Variants in NAV2 observed in about 807,000 individuals in gnomAD.
NAV2 encodes neuron navigator 2.
In NAV2, 54 loss-of-function variants were observed where a neutral mutation model predicts 223.2. That is an observed-to-expected ratio of 0.24 (90% CI 0.19 to 0.30). The LOEUF is 0.30. Among genes scored for constraint, NAV2 ranks in the 10% least tolerant of loss-of-function variants. NAV2 has a pLI of 1.00. For synonymous variants in NAV2, 1,279 were observed against 1,239.3 expected (o/e 1.03, Z -0.67); for missense variants, 2,806 against 3,147.5 (o/e 0.89, Z 2.60).
chr11:19,946,548 A>G lies in NAV2; in HGVS notation c.2255+39A>G, dbSNP rs1284210742. On this transcript the variant is annotated intron_variant, in intron 9 of 37. Coordinates refer to ENST00000349880, the MANE Select transcript of NAV2 (RefSeq NM_145117.5). ...GAATTACTTTACTGAACTACCTGGT[A>G]TCCTAATTTTCTCCTGTGTTTGTTC... is the stretch of plus-strand genomic sequence containing the variant. 4 of 1,542,942 alleles carry G rather than the reference A, an allele frequency of 2.6e-6. No homozygotes were observed. In the South Asian group the frequency reaches 3.5e-5, roughly 14 times the overall value.
At chr11:19,573,410 G>A (rs565277165) in intron 1 of NAV2, among the ~76,000 whole-genome samples, 2 of 152,290 alleles carry the variant, frequency 1.3e-5, no homozygotes, top group African/African-American at 4.8e-5. Flanking sequence ...TGTTAATGAT[G>A]TTTTCTCCAG....
At chr11:20,016,210 A>C (rs2053990451) in intron 11 of NAV2, among the ~76,000 whole-genome samples, 1 of 152,174 alleles carries the variant, frequency 6.6e-6, no homozygotes, top group Non-Finnish European at 1.5e-5. Flanking sequence ...GCCGATTGGC[A>C]CCCTTCCAGA....
At chr11:19,939,524 G>A (rs763286413) in intron 7 of NAV2, 137 bp from the exon 8 acceptor site, 83 of 605,070 alleles carry the variant, frequency 1.4e-4, no homozygotes, top group Non-Finnish European at 2.0e-4. Context: ...ATTATTTAGC[G>A]TCAGTCTGCT....
chr11:19,983,317 C>G (rs1732400547), intron 10 of NAV2, among the ~76,000 whole-genome samples: 1 of 152,114 alleles, frequency 6.6e-6, no homozygotes, highest in Non-Finnish European at 1.5e-5. Context: ...AGACATCCTC[C>G]CTCTCAAGAA....
chr11:19,784,864 TAAAG>T (rs1737903211), intron 1 of NAV2, among the ~76,000 whole-genome samples: 1 of 152,186 alleles, frequency 6.6e-6, no homozygotes, highest in Non-Finnish European at 1.5e-5. Flanking sequence ...TGACACCTCA[TAAAG>T]AGTCAACAGA....
intron 14 of NAV2, among the ~76,000 whole-genome samples, chr11:20,047,693 C>T (rs767550409): frequency 1.8e-4 from 28 of 152,188 alleles, no homozygotes; most frequent in Admixed American, 3.9e-4. Context: ...TCTGCCACCA[C>T]CCACTGTAGT....
At chr11:19,627,140 C>T (rs1003375616) in intron 1 of NAV2, among the ~76,000 whole-genome samples, 1 of 152,152 alleles carries the variant, frequency 6.6e-6, no homozygotes, top group Non-Finnish European at 1.5e-5. Flanking sequence ...GTAATCCTAA[C>T]ACTTTAGGAG....
chr11:19,991,636 C>A (rs1051556834), intron 11 of NAV2, among the ~76,000 whole-genome samples: 1 of 151,942 alleles, frequency 6.6e-6, no homozygotes, highest in African/African-American at 2.4e-5. Context: ...AAATGATGTG[C>A]AAAATATGAT....
In NAV2 at chr11:19,617,722, G is replaced by A. The variant is rs146100747; in HGVS notation, c.76-214762G>A. ...GTTGAAACCTGAATGAAAAGAAGCA[G>A]TACAACAATGATCTGGGAGGGAGGA... On this transcript the variant is annotated intron_variant, in intron 1 of 37. Transcript: ENST00000360655. Among the ~76,000 whole-genome samples, 13 of 152,288 alleles carry A rather than the reference G, an allele frequency of 8.5e-5. No homozygotes were observed. The East Asian group carries it at 2.5e-3, about 29-fold the overall frequency.
chr11:20,064,284 C>T (rs1045068553), intron 20 of NAV2, among the ~76,000 whole-genome samples: 1 of 152,174 alleles, frequency 6.6e-6, no homozygotes, highest in Non-Finnish European at 1.5e-5. Flanking sequence ...CATGGATATA[C>T]CAGGCTCTGG....
intron 28 of NAV2, 89 bp downstream of exon 28, chr11:20,092,457 C>T (rs1372890472): frequency 4.3e-6 from 6 of 1,379,668 alleles, no homozygotes; most frequent in Non-Finnish European, 5.0e-6. Flanking sequence ...AGCAGATCAA[C>T]AGATCAAATG....
At position 20,090,851 on chromosome 11, in the gene NAV2, T is replaced by G; in HGVS notation, c.5499-14T>G. The G allele has an allele frequency of 2.5e-6, 4 of 1,612,868 alleles. No homozygotes were observed. Among genetic ancestry groups the G allele is most frequent in the Non-Finnish European group, 3.4e-6 (4 of 1,179,156 alleles). ...AAGGAGCTGCTTTCATCAGTAACAT[T>G]CCTCTTTCCCTAGAATTTCAGAATG... On this transcript the variant is annotated splice_polypyrimidine_tract_variant and intron_variant, in intron 26 of 37. Transcript: ENST00000349880.
intron 5 of NAV2, among the ~76,000 whole-genome samples, chr11:19,885,940 G>T (rs2040927744): frequency 6.6e-6 from 1 of 152,108 alleles, no homozygotes. Flanking sequence ...TGCTCACTCT[G>T]TTACCCAGGC....
chr11:19,714,101 A>T (rs958363580), intron 1 of NAV2, 139 bp downstream of exon 1: 3 of 1,281,846 alleles, frequency 2.3e-6, no homozygotes, highest in Admixed American at 4.2e-5. Context: ...TTAGGCCGGC[A>T]GGTTGGGGGA....
At chr11:19,416,028 C>T (rs1850352174) in intron 1 of NAV2, among the ~76,000 whole-genome samples, 1 of 152,120 alleles carries the variant, frequency 6.6e-6, no homozygotes, top group Non-Finnish European at 1.5e-5. Flanking sequence ...CCTTCGAAAA[C>T]CCACACAAGA....
At chr11:20,045,706 G>A (rs1385658102) in intron 14 of NAV2, 36 bp downstream of exon 14, 1 of 1,491,762 alleles carries the variant, frequency 6.7e-7, no homozygotes, top group African/African-American at 1.4e-5. Context: ...AGCAGAACCA[G>A]AATACAGGGA....
At chr11:19,367,518 A>G (rs928539250) in intron 1 of NAV2, among the ~76,000 whole-genome samples, 3 of 152,242 alleles carry the variant, frequency 2.0e-5, no homozygotes, top group Non-Finnish European at 4.4e-5. Flanking sequence ...ATAAGTGAAT[A>G]AGCAAATACC....
intron 11 of NAV2, among the ~76,000 whole-genome samples, chr11:20,033,816 GGTT>G (rs2056048174): frequency 2.0e-5 from 3 of 146,740 alleles, no homozygotes; most frequent in African/African-American, 7.9e-5. Flanking sequence ...AGAACTTTGG[GGTT>G]ATGTGTGTGT....
chr11:19,507,340 C>T (rs1250459995), intron 1 of NAV2: 2 of 152,148 alleles, frequency 1.3e-5, no homozygotes, highest in Admixed American at 6.5e-5. Context: ...ATAATAGACC[C>T]CTGGAGAGTC....
Sources: gnomAD v4.1 joint callset for allele counts (sites outside exome capture counted in the v4.1 genomes callset) on GRCh38, gnomAD v4.1.1 for gene constraint, MANE v1.5 for transcripts, NCBI Gene and HGNC (gene_info 2026-07-23, HGNC 2026-07-21) for gene names.